Variants in NME2 observed in about 807,000 individuals in gnomAD.
NME2 encodes nucleoside diphosphate kinase B.
A neutral mutation model predicts 17.8 loss-of-function variants in NME2; 18 were observed. That is an observed-to-expected ratio of 1.01 (90% CI 0.70 to 1.50). The LOEUF is 1.50. Among genes scored for constraint, NME2 ranks in the 40% most tolerant of loss-of-function variants. NME2 has a pLI of 0.00. For synonymous variants in NME2, 74 were observed against 71.4 expected (o/e 1.04, Z -0.19); for missense variants, 161 against 195.6 (o/e 0.82, Z 1.05).
intron 2 of NME2, chr17:51,167,344 C>A (rs1226030726): frequency 3.6e-6 from 1 of 277,760 alleles, no homozygotes; most frequent in Non-Finnish European, 7.0e-6. Flanking sequence ...TCTGAAACTC[C>A]GAGTTCCAGT....
intron 4 of NME2, 35 bp downstream of exon 4, chr17:51,170,084 T>G: frequency 3.9e-6 from 6 of 1,522,050 alleles, no homozygotes; most frequent in Non-Finnish European, 5.4e-6. Context: ...ATGACTTTTA[T>G]GCAACACCAT....
chr17:51,167,214 G>T, intron 2 of NME2: 1 of 677,442 alleles, frequency 1.5e-6, no homozygotes. Context: ...GCCGCTACCT[G>T]CCCACCCGCC....
At chr17:51,168,979 A>G (rs1042336617) in intron 3 of NME2, among the ~76,000 whole-genome samples, 2 of 152,064 alleles carry the variant, frequency 1.3e-5, no homozygotes, top group Non-Finnish European at 2.9e-5. Context: ...ATAATACTCA[A>G]TTTCTTCTGT....
chr17:51,169,810 T>C (rs2050029106), intron 3 of NME2, 127 bp from the exon 4 acceptor site: 6 of 804,336 alleles, frequency 7.5e-6, no homozygotes, highest in Non-Finnish European at 1.2e-5. Flanking sequence ...TACTCTCTGC[T>C]GGGGTTAGCT....
intron 2 of NME2, 82 bp downstream of exon 2, chr17:51,167,038 G>A: frequency 6.2e-7 from 1 of 1,605,272 alleles, no homozygotes; most frequent in Non-Finnish European, 8.5e-7. Context: ...GTCCGCGTCT[G>A]CTTTCCGAGT....
chr17:51,170,145 T>G (rs1469989038), intron 4 of NME2, 96 bp downstream of exon 4: 2 of 721,416 alleles, frequency 2.8e-6, no homozygotes, highest in African/African-American at 4.5e-5. Flanking sequence ...CTGTGCCCTT[T>G]TTTTTTTTTT....
At chr17:51,169,130 T>C (rs1598251164) in intron 3 of NME2, among the ~76,000 whole-genome samples, 1 of 151,994 alleles carries the variant, frequency 6.6e-6, no homozygotes, top group East Asian at 1.9e-4. Flanking sequence ...CTAATGTCCA[T>C]TTGGGAGTGG....
At chr17:51,168,051 G>T (rs545839340) in intron 2 of NME2, 191 bp from the exon 3 acceptor site, 50 of 390,246 alleles carry the variant, frequency 1.3e-4, no homozygotes, top group Admixed American at 8.7e-4. Flanking sequence ...AATGGCATTA[G>T]TTTCATGGTT....
intron 2 of NME2, 86 bp downstream of exon 2, chr17:51,167,042 T>G (rs1274310286): frequency 6.2e-7 from 1 of 1,604,754 alleles, no homozygotes; most frequent in Non-Finnish European, 8.5e-7. Context: ...GCGTCTGCTT[T>G]CCGAGTTCAT....
intron 1 of NME2, 54 bp from the exon 2 acceptor site, chr17:51,166,773 G>GCGGGCCCCGCCAGAGCCTGCGCC (rs1285661933): frequency 6.6e-7 from 1 of 1,509,682 alleles, no homozygotes; most frequent in Non-Finnish European, 8.8e-7. Context: ...CGTGGCCTCC[G>GCGGGCCCCGCCAGAGCCTGCGCC]CGGGCCCCGC....
chr17:51,169,813 G>C, intron 3 of NME2, 124 bp from the exon 4 acceptor site: 1 of 822,302 alleles, frequency 1.2e-6, no homozygotes, highest in Non-Finnish European at 2.0e-6. Context: ...TCTCTGCTGG[G>C]GTTAGCTGAT....
intron 3 of NME2, 71 bp from the exon 4 acceptor site, chr17:51,169,866 A>G (rs2050030159): frequency 2.2e-6 from 3 of 1,366,846 alleles, no homozygotes; most frequent in Admixed American, 3.5e-5. Context: ...CGTGTCAGGT[A>G]GGAGTAAATG....
At chr17:51,165,957 G>A (rs1438272858), upstream of NME2, 1 of 152,292 alleles carries the variant, frequency 6.6e-6, no homozygotes, top group African/African-American at 2.4e-5. Context: ...TCAAGCAGAG[G>A]GGAGGGAAGG....
intron 3 of NME2, 122 bp downstream of exon 3, chr17:51,168,465 G>A: frequency 2.1e-6 from 2 of 941,998 alleles, no homozygotes; most frequent in Non-Finnish European, 3.2e-6. Context: ...TTACTTAACT[G>A]AGCAACTAGG....
At chr17:51,170,142 C>CA in intron 4 of NME2, 93 bp downstream of exon 4, 3 of 614,320 alleles carry the variant, frequency 4.9e-6, no homozygotes, top group Non-Finnish European at 7.4e-6. Context: ...AATCTGTGCC[C>CA]TTTTTTTTTT....
intron 3 of NME2, chr17:51,169,637 C>A: frequency 3.4e-6 from 1 of 295,202 alleles, no homozygotes; most frequent in Non-Finnish European, 6.3e-6. Context: ...TCCAGACTGG[C>A]CACTTTCTCC....
At chr17:51,171,200 T>C (rs2050062377) in intron 4 of NME2, among the ~76,000 whole-genome samples, 1 of 152,186 alleles carries the variant, frequency 6.6e-6, no homozygotes. Context: ...TTCCAAAATT[T>C]GCGGAGGAGT....
chr17:51,168,398 G>A, intron 3 of NME2, 55 bp downstream of exon 3: 1 of 1,558,220 alleles, frequency 6.4e-7, no homozygotes, highest in Non-Finnish European at 8.8e-7. Flanking sequence ...AGTGTTCTTT[G>A]TTAGACATCT....
At chr17:51,167,014 C>G in intron 2 of NME2, 58 bp downstream of exon 2, 1 of 1,608,448 alleles carries the variant, frequency 6.2e-7, no homozygotes, top group Non-Finnish European at 8.5e-7. Context: ...GTTTTTCCCT[C>G]CCGGCGGCGG....
Sources: allele counts gnomAD v4.1 joint callset (sites outside exome capture counted in the v4.1 genomes callset), GRCh38; gene constraint gnomAD v4.1.1; transcripts MANE v1.5; gene names NCBI Gene and HGNC (gene_info 2026-07-23, HGNC 2026-07-21).